The following FER variants were observed in gnomAD, a reference collection of about 807,000 sequenced individuals.
FER encodes FER tyrosine kinase, also known as tyrosine-protein kinase Fer.
FER carries 63 observed loss-of-function variants against 111.0 expected under a neutral mutation model. The observed-to-expected ratio is 0.57, with a 90% CI of 0.46 to 0.70. The LOEUF (loss-of-function observed/expected upper bound fraction) is 0.70, where lower values mean the gene tolerates loss of function less well. Ranked by LOEUF, FER falls within the 30% of genes least tolerant of loss-of-function variation. The pLI is 0.00. For synonymous variants in FER, 327 were observed against 313.9 expected (o/e 1.04, Z -0.44); for missense variants, 914 against 954.0 (o/e 0.96, Z 0.55).
At chr5:108,801,254 C>T (rs537357534) in intron 3 of FER, among the ~76,000 whole-genome samples, 2 of 152,282 alleles carry the variant, frequency 1.3e-5, no homozygotes, top group East Asian at 3.9e-4. Flanking sequence ...TTGTTGAAAA[C>T]ACTAAGCTTT....
intron 2 of FER, among the ~76,000 whole-genome samples, chr5:108,781,525 T>C (rs1580485375): frequency 6.6e-6 from 1 of 152,198 alleles, no homozygotes; most frequent in South Asian, 2.1e-4. Context: ...GTGTGACATA[T>C]AAATTTTTCT....
chr5:108,951,800 T>G (rs1757787960), intron 11 of FER, among the ~76,000 whole-genome samples: 1 of 152,034 alleles, frequency 6.6e-6, no homozygotes, highest in Non-Finnish European at 1.5e-5. Context: ...AAAACATTTT[T>G]GTTTTTGCCT....
At chr5:109,092,308 AAAAC>A (rs1746903480) in intron 16 of FER, among the ~76,000 whole-genome samples, 1 of 148,230 alleles carries the variant, frequency 6.7e-6, no homozygotes, top group Non-Finnish European at 1.5e-5. Context: ...AAAAAAAAAA[AAAAC>A]ATCAGAGGGA....
chr5:108,886,883 C>A (rs1747253302), intron 9 of FER, among the ~76,000 whole-genome samples: 4 of 151,562 alleles, frequency 2.6e-5, no homozygotes, highest in Admixed American at 2.0e-4. Flanking sequence ...GTTAAGTTTG[C>A]CTTTGAATTA....
At chr5:108,826,660 T>C (rs1239758332) in intron 3 of FER, among the ~76,000 whole-genome samples, 1 of 152,244 alleles carries the variant, frequency 6.6e-6, no homozygotes, top group Non-Finnish European at 1.5e-5. Flanking sequence ...CTAGAGTAGT[T>C]TGAAAAGGAC....
chr5:109,096,904 A>G (rs1401772957), intron 16 of FER, among the ~76,000 whole-genome samples: 1 of 150,754 alleles, frequency 6.6e-6, no homozygotes, highest in Non-Finnish European at 1.5e-5. Context: ...TTTTTACAAA[A>G]TAACAACAAC....
At chr5:109,154,859 TATA>T (rs934797031) in intron 17 of FER, among the ~76,000 whole-genome samples, 8 of 151,852 alleles carry the variant, frequency 5.3e-5, no homozygotes, top group African/African-American at 1.9e-4. Flanking sequence ...AGACATACGC[TATA>T]ATAACAAATA....
chr5:109,118,015 G>A (rs1392114237), intron 17 of FER, among the ~76,000 whole-genome samples: 7 of 151,984 alleles, frequency 4.6e-5, no homozygotes, highest in South Asian at 2.1e-4. Flanking sequence ...TCTCCTGCCT[G>A]ATTGCCCTGG....
intron 11 of FER, among the ~76,000 whole-genome samples, chr5:108,953,171 T>C (rs1373163243): frequency 6.6e-6 from 1 of 151,976 alleles, no homozygotes; most frequent in Non-Finnish European, 1.5e-5. Flanking sequence ...TTAGTATCAG[T>C]ATATACAAAA....
At chr5:109,092,283 G>GAA (rs1746878306) in intron 16 of FER, among the ~76,000 whole-genome samples, 2 of 39,528 alleles carry the variant, frequency 5.1e-5, no homozygotes, top group Admixed American at 3.0e-4. Context: ...CCTTATGATG[G>GAA]CAAAAAAAAA....
intron 17 of FER, among the ~76,000 whole-genome samples, chr5:109,118,326 T>A (rs1270850264): frequency 6.6e-6 from 1 of 152,218 alleles, no homozygotes; most frequent in Non-Finnish European, 1.5e-5. Context: ...TTTCGTATGT[T>A]GAACCAGCCT....
chr5:109,111,992 A>G (rs1749677198), intron 17 of FER, among the ~76,000 whole-genome samples: 1 of 152,154 alleles, frequency 6.6e-6, no homozygotes, highest in Admixed American at 6.6e-5. Flanking sequence ...TTTATTATAG[A>G]ACAAAAACAC....
intron 3 of FER, among the ~76,000 whole-genome samples, chr5:108,811,007 C>T (rs1472798190): frequency 6.6e-6 from 1 of 152,102 alleles, no homozygotes; most frequent in Non-Finnish European, 1.5e-5. Context: ...GTGTGTCAGC[C>T]TGCTTCTCCA....
chr5:108,819,743 GA>G (rs766381242), intron 3 of FER: 5 of 963,966 alleles, frequency 5.2e-6, no homozygotes, highest in Non-Finnish European at 6.2e-6. Context: ...ATGTGAGAGA[GA>G]AAAAAAGCAT....
At chr5:109,100,370 C>T in intron 16 of FER, 26 bp from the exon 17 acceptor site, 1 of 1,606,694 alleles carries the variant, frequency 6.2e-7, no homozygotes, top group South Asian at 1.1e-5. Flanking sequence ...AACTTTGTCT[C>T]ATTGTTCATC....
chr5:108,984,536 G>C (rs1045172065), intron 13 of FER, among the ~76,000 whole-genome samples: 1 of 151,192 alleles, frequency 6.6e-6, no homozygotes, highest in South Asian at 2.1e-4. Context: ...CAAACATGAT[G>C]TTGGAGAATA....
chr5:108,954,126 G>A (rs1218513134), intron 11 of FER, among the ~76,000 whole-genome samples: 1 of 152,038 alleles, frequency 6.6e-6, no homozygotes, highest in Non-Finnish European at 1.5e-5. Context: ...TTTCAGTGAT[G>A]CTATTTCTCC....
intron 8 of FER, among the ~76,000 whole-genome samples, chr5:108,872,643 A>T (rs192394639): frequency 5.9e-5 from 9 of 152,216 alleles, no homozygotes; most frequent in South Asian, 4.1e-4. Flanking sequence ...TGAAGCAGGG[A>T]TGTCTTCTGT....
chr5:108,838,944 C>T (rs1434985996), intron 5 of FER, among the ~76,000 whole-genome samples: 1 of 152,082 alleles, frequency 6.6e-6, no homozygotes, highest in Non-Finnish European at 1.5e-5. Flanking sequence ...ATAATGGATG[C>T]TGAGGACAAC....
Sources: gnomAD v4.1 joint callset for allele counts (sites outside exome capture counted in the v4.1 genomes callset) on GRCh38, gnomAD v4.1.1 for gene constraint, MANE v1.5 for transcripts, NCBI Gene and HGNC (gene_info 2026-07-23, HGNC 2026-07-21) for gene names.